Variants in RELN observed in about 807,000 individuals in gnomAD.
RELN encodes the protein reelin.
In RELN, 108 loss-of-function variants were observed where a neutral mutation model predicts 427.6. That is an observed-to-expected ratio of 0.25 (90% CI 0.22 to 0.30). RELN has a LOEUF of 0.30. RELN is among the 10% of genes least tolerant of loss of function. The pLI is 1.00. For synonymous variants in RELN, 1,524 were observed against 1,513.4 expected, an observed-to-expected ratio of 1.01 and a Z score of -0.16; for missense variants, 3,715 against 4,302.8, an observed-to-expected ratio of 0.86 and a Z score of 3.82.
At chr7:103,482,323 C>T (rs572575063) in intron 63 of RELN, 72 of 162,042 alleles carry the variant, frequency 4.4e-4, no homozygotes, top group African/African-American at 1.1e-3. Flanking sequence ...ACAGTCAACC[C>T]GGCCAGGTGA....
chr7:103,740,113 C>T (rs1022127898), intron 6 of RELN, among the ~76,000 whole-genome samples: 1 of 151,996 alleles, frequency 6.6e-6, no homozygotes, highest in African/African-American at 2.4e-5. Flanking sequence ...TAATAAGACA[C>T]CTGACACTTA....
At chr7:103,769,550 G>A (rs537146864) in intron 4 of RELN, among the ~76,000 whole-genome samples, 13 of 152,274 alleles carry the variant, frequency 8.5e-5, no homozygotes, top group African/African-American at 3.1e-4. Context: ...TGTTATGGCA[G>A]CACAAATAAG....
At chr7:103,702,356 C>T (rs1340194208) in intron 8 of RELN, among the ~76,000 whole-genome samples, 1 of 152,190 alleles carries the variant, frequency 6.6e-6, no homozygotes, top group Non-Finnish European at 1.5e-5. Flanking sequence ...TACTCGTGTG[C>T]TTCCTTTATG....
intron 41 of RELN, among the ~76,000 whole-genome samples, chr7:103,548,997 T>A (rs1225107468): frequency 6.6e-6 from 1 of 152,188 alleles, no homozygotes; most frequent in Admixed American, 6.5e-5. Context: ...ACCTACAATC[T>A]ATCTTTAGGG....
intron 2 of RELN, among the ~76,000 whole-genome samples, chr7:103,861,142 T>C (rs1283819799): frequency 6.6e-6 from 1 of 152,168 alleles, no homozygotes; most frequent in Non-Finnish European, 1.5e-5. Flanking sequence ...TTTTCTGATA[T>C]ACACAGTTAT....
intron 31 of RELN, among the ~76,000 whole-genome samples, chr7:103,571,781 A>G (rs1830886870): frequency 6.6e-6 from 1 of 152,204 alleles, no homozygotes; most frequent in Admixed American, 6.5e-5. Flanking sequence ...TGCCCGGAAT[A>G]TAAGTTTATG....
At chr7:103,621,324 G>A (rs1832213516) in intron 20 of RELN, among the ~76,000 whole-genome samples, 1 of 152,110 alleles carries the variant, frequency 6.6e-6, no homozygotes, top group Non-Finnish European at 1.5e-5. Context: ...ATTAAATTTA[G>A]CAATTAATGA....
intron 2 of RELN, among the ~76,000 whole-genome samples, chr7:103,839,303 CTTTTTT>C (rs34244913): frequency 1.7e-5 from 2 of 121,210 alleles, no homozygotes; most frequent in Admixed American, 8.7e-5. Context: ...GTGGTCTTTG[CTTTTTT>C]TTTTTTTTTT....
At chr7:103,596,950 T>G (rs1229060396) in intron 24 of RELN, among the ~76,000 whole-genome samples, 1 of 152,160 alleles carries the variant, frequency 6.6e-6, no homozygotes, top group Admixed American at 6.5e-5. Flanking sequence ...TTTTAAAATT[T>G]TAACGAAAAC....
At chr7:103,841,092 T>C (rs1793540648) in intron 2 of RELN, among the ~76,000 whole-genome samples, 1 of 152,202 alleles carries the variant, frequency 6.6e-6, no homozygotes, top group South Asian at 2.1e-4. Flanking sequence ...ACAAGTCAAA[T>C]GTGGCTCTCC....
At chr7:103,633,558 A>G (rs1410947214) in intron 19 of RELN, among the ~76,000 whole-genome samples, 1 of 151,922 alleles carries the variant, frequency 6.6e-6, no homozygotes, top group African/African-American at 2.4e-5. Flanking sequence ...TTTGATCTTA[A>G]TCTTTCAAGC....
intron 28 of RELN, among the ~76,000 whole-genome samples, chr7:103,586,088 G>A (rs1330608412): frequency 6.6e-6 from 1 of 152,194 alleles, no homozygotes; most frequent in African/African-American, 2.4e-5. Flanking sequence ...AGCCAGGCCG[G>A]GCGTGATGGC....
chr7:103,496,496 AAG>A, intron 56 of RELN, 28 bp downstream of exon 56: 1 of 1,614,110 alleles, frequency 6.2e-7, no homozygotes, highest in East Asian at 2.2e-5. Flanking sequence ...GCTCACAGGA[AAG>A]AAAATTGTTC....
chr7:103,574,322 G>T, intron 29 of RELN, 23 bp from the exon 30 acceptor site: 8 of 1,597,118 alleles, frequency 5.0e-6, no homozygotes, highest in Non-Finnish European at 5.2e-6. Context: ...AAATAGAGAG[G>T]AGAGATGCTT....
At position 103,565,258 on chromosome 7, in the gene RELN, A is replaced by G; in HGVS notation, c.5210+20T>C. 1.2e-6 allele frequency: 2 copies of G among 1,613,898 alleles called. No individual in the cohort carries two copies. Among genetic ancestry groups the G allele is most frequent in the Non-Finnish European group, 1.7e-6 (2 of 1,179,756 alleles). On this transcript the variant is annotated intron_variant, in intron 34 of 64. Transcript: ENST00000428762. ...ACAGGCACCCAAAGTTCTGACATGT[A>G]GCCAAATGACAATTCTCACATGGTG...
At chr7:103,987,424 A>G (rs1224807415) in intron 1 of RELN, among the ~76,000 whole-genome samples, 2 of 152,226 alleles carry the variant, frequency 1.3e-5, no homozygotes, top group Non-Finnish European at 2.9e-5. Flanking sequence ...CAAAGGGTGT[A>G]TGATATTTTG....
chr7:103,630,250 T>C (rs951883508), intron 19 of RELN, 74 bp from the exon 20 acceptor site: 4 of 1,021,394 alleles, frequency 3.9e-6, no homozygotes, highest in Middle Eastern at 2.7e-4. Context: ...GTGGGATAGA[T>C]TTCCCCTGAA....
chr7:103,586,362 C>CA (rs1241370575), intron 28 of RELN, among the ~76,000 whole-genome samples: 2 of 151,244 alleles, frequency 1.3e-5, no homozygotes, highest in African/African-American at 2.4e-5. Context: ...GACTCCATCT[C>CA]AAAAAAATAA....
chr7:103,647,439 G>A (rs542727897), intron 16 of RELN, among the ~76,000 whole-genome samples: 5 of 151,048 alleles, frequency 3.3e-5, no homozygotes, highest in Admixed American at 6.6e-5. Context: ...AAATCAAGAC[G>A]TCAATCCCAT....
Sources: gnomAD v4.1 joint callset for allele counts (sites outside exome capture counted in the v4.1 genomes callset) on GRCh38, gnomAD v4.1.1 for gene constraint, MANE v1.5 for transcripts, NCBI Gene and HGNC (gene_info 2026-07-23, HGNC 2026-07-21) for gene names.